REEP3: variants seen among roughly 807,000 people sequenced by gnomAD.
The protein encoded by REEP3 is receptor accessory protein 3.
A neutral mutation model predicts 41.3 loss-of-function variants in REEP3; 20 were observed. The observed-to-expected ratio is 0.48, with a 90% CI of 0.34 to 0.70. The LOEUF (loss-of-function observed/expected upper bound fraction) is 0.70, where lower values mean the gene tolerates loss of function less well. Ranked by LOEUF, REEP3 falls within the 30% of genes least tolerant of loss-of-function variation. The pLI, the probability that REEP3 is intolerant of heterozygous loss-of-function variation, is 0.01. For missense variants in REEP3, 271 were observed against 308.8 expected (o/e 0.88, Z 0.92); for synonymous variants, 104 against 101.8 (o/e 1.02, Z -0.13).
intron 2 of REEP3, among the ~76,000 whole-genome samples, chr10:63,566,807 A>G (rs1955803602): frequency 6.6e-6 from 1 of 152,142 alleles, no homozygotes; most frequent in African/African-American, 2.4e-5. Context: ...TCACTTTCTA[A>G]TCTATATAAA....
chr10:63,607,155 A>C (rs1223326262), intron 5 of REEP3, among the ~76,000 whole-genome samples: 1 of 152,216 alleles, frequency 6.6e-6, no homozygotes, highest in Non-Finnish European at 1.5e-5. Flanking sequence ...CAAAGTCCAC[A>C]ATATTGCACC....
intron 1 of REEP3, among the ~76,000 whole-genome samples, chr10:63,546,334 C>T (rs1308083138): frequency 6.6e-6 from 1 of 152,120 alleles, no homozygotes; most frequent in Non-Finnish European, 1.5e-5. Flanking sequence ...AGGCTGGTAG[C>T]AGTGGTCAGA....
At chr10:63,575,980 G>T (rs892536283) in intron 2 of REEP3, among the ~76,000 whole-genome samples, 1 of 152,198 alleles carries the variant, frequency 6.6e-6, no homozygotes, top group African/African-American at 2.4e-5. Context: ...TGATCCGCCT[G>T]CCTTGGCCTC....
intron 5 of REEP3, among the ~76,000 whole-genome samples, chr10:63,603,154 A>G (rs1956188930): frequency 6.6e-6 from 1 of 151,792 alleles, no homozygotes; most frequent in South Asian, 2.1e-4. Context: ...TCTACTAAAA[A>G]TACAAAAAAT....
chr10:63,594,628 T>C (rs1956096551), intron 2 of REEP3, 150 bp from the exon 3 acceptor site: 4 of 591,938 alleles, frequency 6.8e-6, no homozygotes, highest in Admixed American at 5.9e-5. Flanking sequence ...ACCATCACTT[T>C]CTGCGTTTGA....
intron 2 of REEP3, among the ~76,000 whole-genome samples, chr10:63,578,650 G>A (rs35403056): frequency 0.32 from 48,017 of 151,740 alleles, 8,162 homozygotes; most frequent in African/African-American, 0.41. Context: ...GATGGTACAC[G>A]CCTGTAGTCC....
intron 5 of REEP3, among the ~76,000 whole-genome samples, chr10:63,608,089 T>C (rs1014802053): frequency 1.3e-5 from 2 of 152,152 alleles, no homozygotes; most frequent in Non-Finnish European, 2.9e-5. Flanking sequence ...ACTACGAAGA[T>C]GAAATAAAGA....
intron 2 of REEP3, among the ~76,000 whole-genome samples, chr10:63,567,664 T>G (rs2133376841): frequency 6.6e-6 from 1 of 152,278 alleles, no homozygotes; most frequent in Non-Finnish European, 1.5e-5. Flanking sequence ...ATACAAGGAT[T>G]TGTTTGAGCA....
At chr10:63,601,078 C>T (rs548981721) in intron 5 of REEP3, among the ~76,000 whole-genome samples, 9 of 151,846 alleles carry the variant, frequency 5.9e-5, no homozygotes, top group Middle Eastern at 3.4e-3. Context: ...TGCTTGAACC[C>T]GGGAGGCGGA....
chr10:63,526,119 G>A (rs576568591), intron 1 of REEP3, among the ~76,000 whole-genome samples: 5 of 152,202 alleles, frequency 3.3e-5, no homozygotes, highest in Non-Finnish European at 7.3e-5. Flanking sequence ...ATCACTTTGT[G>A]TGTAGGTAAC....
At chr10:63,594,079 A>G (rs1367787172) in intron 2 of REEP3, among the ~76,000 whole-genome samples, 1 of 152,054 alleles carries the variant, frequency 6.6e-6, no homozygotes, top group East Asian at 1.9e-4. Flanking sequence ...TTATTTATGT[A>G]ACAATTAAAT....
intron 6 of REEP3, among the ~76,000 whole-genome samples, chr10:63,615,343 T>C (rs1353248473): frequency 6.6e-6 from 1 of 152,034 alleles, no homozygotes; most frequent in Non-Finnish European, 1.5e-5. Flanking sequence ...TTTTTTGTTT[T>C]TGTTTTTGTT....
At chr10:63,576,177 C>T (rs969636890) in intron 2 of REEP3, among the ~76,000 whole-genome samples, 1 of 152,080 alleles carries the variant, frequency 6.6e-6, no homozygotes, top group Non-Finnish European at 1.5e-5. Context: ...GAAAAGCTGC[C>T]TGGAGCTCTG....
chr10:63,619,838 G>A (rs377131053), intron 7 of REEP3, 38 bp downstream of exon 7: 2 of 1,546,812 alleles, frequency 1.3e-6, no homozygotes, highest in South Asian at 1.2e-5. Context: ...AATGATTAGT[G>A]AAGGATTTCC....
rs1956339825 is a variant in REEP3 at position 63,619,877 on chromosome 10, G to C, written c.711+77G>C. 1.1e-5 allele frequency: 10 copies of C among 950,738 alleles called. No homozygotes were observed. The Admixed American group carries it at 2.6e-4, about 25-fold the overall frequency. 58.9% of individuals were successfully genotyped at this position (950,738 alleles called of 1,614,324 possible). ...CTGTGTTATCATTTAGGATATTAAT[G>C]ATCCATAAATGAAGGATTGGAATGG... On this transcript the variant is annotated intron_variant, in intron 7 of 7. Transcript: ENST00000373758.
At chr10:63,590,289 A>G (rs1341405438) in intron 2 of REEP3, among the ~76,000 whole-genome samples, 1 of 152,216 alleles carries the variant, frequency 6.6e-6, no homozygotes, top group East Asian at 1.9e-4. Context: ...GAATGGAACT[A>G]TCATGTTTAT....
At chr10:63,595,515 A>G (rs912181963) in intron 3 of REEP3, among the ~76,000 whole-genome samples, 5 of 152,114 alleles carry the variant, frequency 3.3e-5, no homozygotes, top group Admixed American at 6.5e-5. Context: ...CCTTGCTGAT[A>G]TCTTCATCTG....
intron 1 of REEP3, among the ~76,000 whole-genome samples, chr10:63,531,384 C>T (rs1276609058): frequency 6.6e-6 from 1 of 152,124 alleles, no homozygotes; most frequent in Non-Finnish European, 1.5e-5. Flanking sequence ...TTAGCAGCAT[C>T]CACCAGTTGT....
intron 2 of REEP3, among the ~76,000 whole-genome samples, chr10:63,570,223 A>G (rs1412908110): frequency 1.3e-5 from 2 of 152,194 alleles, no homozygotes; most frequent in African/African-American, 4.8e-5. Context: ...GGCTAAGATC[A>G]AGTGTGAAGA....
Sources: allele counts gnomAD v4.1 joint callset (sites outside exome capture counted in the v4.1 genomes callset), GRCh38; gene constraint gnomAD v4.1.1; transcripts MANE v1.5; gene names NCBI Gene and HGNC (gene_info 2026-07-23, HGNC 2026-07-21).